DLG2: variants seen among roughly 807,000 people sequenced by gnomAD.
DLG2 encodes disks large homolog 2.
In DLG2, 45 loss-of-function variants were observed where a neutral mutation model predicts 132.5. That is an observed-to-expected ratio of 0.34 (90% CI 0.27 to 0.44). DLG2 has a LOEUF of 0.44. Among genes scored for constraint, DLG2 ranks in the 20% least tolerant of loss-of-function variants. The pLI is 1.00. For missense variants in DLG2, 1,045 were observed against 1,196.9 expected, an observed-to-expected ratio of 0.87 and a Z score of 1.87; for synonymous variants, 424 against 419.6, an observed-to-expected ratio of 1.01 and a Z score of -0.13.
At chr11:83,621,472 A>AGACC (rs1339252633) in intron 19 of DLG2, among the ~76,000 whole-genome samples, 5 of 152,174 alleles carry the variant, frequency 3.3e-5, no homozygotes, top group Non-Finnish European at 5.9e-5. Flanking sequence ...CAGAACAAGA[A>AGACC]GACCAAAGTG....
intron 3 of DLG2, among the ~76,000 whole-genome samples, chr11:85,568,669 A>C (rs1235468174): frequency 1.3e-5 from 2 of 152,162 alleles, no homozygotes; most frequent in Non-Finnish European, 2.9e-5. Flanking sequence ...AAATTTGCAC[A>C]TTTCAACTAT....
intron 21 of DLG2, among the ~76,000 whole-genome samples, chr11:83,521,009 C>CCATT (rs1287320077): frequency 5.3e-5 from 8 of 152,222 alleles, no homozygotes; most frequent in African/African-American, 1.9e-4. Context: ...GTTTGCCAGA[C>CCATT]CATTTAATGT....
Position 85,363,672 on chromosome 11 carries a change from T to C in DLG2, c.41-78307A>G, listed in dbSNP as rs147702545. ...AATGGTAAATACATTTCAAAAACTATATTTTACCTTTTAAGTACCTACTAT... is the reference window on the plus strand; with the variant it reads ...AATGGTAAATACATTTCAAAAACTACATTTTACCTTTTAAGTACCTACTAT... On this transcript the variant is annotated intron_variant, in intron 3 of 27. Transcript: ENST00000376104. Among the ~76,000 whole-genome samples the C allele has an allele frequency of 1.7e-3, 264 of 152,330 alleles. 1 individual carries two copies. Among genetic ancestry groups the C allele is most frequent in the Admixed American group, 1.3e-3 (20 of 15,298 alleles).
chr11:84,983,629 GA>G (rs2056085689), intron 6 of DLG2, among the ~76,000 whole-genome samples: 1 of 152,150 alleles, frequency 6.6e-6, no homozygotes, highest in Non-Finnish European at 1.5e-5. Context: ...AACCAGCCAT[GA>G]ATCCATACCA....
At chr11:83,713,558 T>C (rs780528265) in intron 18 of DLG2, among the ~76,000 whole-genome samples, 15 of 152,148 alleles carry the variant, frequency 9.9e-5, no homozygotes, top group Non-Finnish European at 1.6e-4. Context: ...TTGAAAGCTA[T>C]AGGGCAGAGA....
intron 6 of DLG2, among the ~76,000 whole-genome samples, chr11:84,979,677 G>A (rs758756596): frequency 5.9e-5 from 9 of 151,716 alleles, no homozygotes; most frequent in Non-Finnish European, 1.0e-4. Context: ...AGGGCGGAGG[G>A]ATAGCATTAT....
chr11:84,209,665 C>T (rs1212300628), intron 8 of DLG2, among the ~76,000 whole-genome samples: 2 of 151,220 alleles, frequency 1.3e-5, no homozygotes, highest in South Asian at 4.2e-4. Flanking sequence ...CTTGGACCAA[C>T]ACTTAGCAAG....
chr11:84,296,796 A>AT (rs1157777878), intron 7 of DLG2, among the ~76,000 whole-genome samples: 1 of 152,092 alleles, frequency 6.6e-6, no homozygotes, highest in Non-Finnish European at 1.5e-5. Flanking sequence ...AAGCTAAAAT[A>AT]TTTTTTCAGT....
chr11:84,580,663 C>T (rs1304079633), intron 6 of DLG2, among the ~76,000 whole-genome samples: 1 of 152,178 alleles, frequency 6.6e-6, no homozygotes, highest in Non-Finnish European at 1.5e-5. Flanking sequence ...CTGAAAGAAT[C>T]CCCATTGAAA....
chr11:83,810,420 T>A (rs1338295242), intron 17 of DLG2, among the ~76,000 whole-genome samples: 1 of 152,124 alleles, frequency 6.6e-6, no homozygotes, highest in East Asian at 1.9e-4. Context: ...TAATTATTGA[T>A]GAGTAGATAA....
At chr11:83,511,515 C>T (rs1286871167) in intron 21 of DLG2, among the ~76,000 whole-genome samples, 2 of 152,056 alleles carry the variant, frequency 1.3e-5, no homozygotes, top group East Asian at 3.9e-4. Context: ...GCTGTTACCT[C>T]CATCATAGGC....
chr11:84,342,710 C>T (rs2098520895), intron 7 of DLG2, among the ~76,000 whole-genome samples: 1 of 152,124 alleles, frequency 6.6e-6, no homozygotes, highest in South Asian at 2.1e-4. Context: ...TTTCAGTAAA[C>T]ACCTTTTAAA....
intron 7 of DLG2, among the ~76,000 whole-genome samples, chr11:84,511,759 A>G (rs1289158315): frequency 6.6e-6 from 1 of 152,150 alleles, no homozygotes; most frequent in African/African-American, 2.4e-5. Flanking sequence ...AGTGCTTTCA[A>G]GACTTGCTTG....
At chr11:83,830,489 T>C (rs1431836763) in intron 17 of DLG2, among the ~76,000 whole-genome samples, 4 of 152,246 alleles carry the variant, frequency 2.6e-5, no homozygotes, top group Non-Finnish European at 5.9e-5. Flanking sequence ...TCAATTTCTT[T>C]ATCCTTAATA....
intron 18 of DLG2, among the ~76,000 whole-genome samples, chr11:83,661,868 A>G (rs1358673318): frequency 6.6e-5 from 10 of 152,240 alleles, no homozygotes; most frequent in African/African-American, 2.2e-4. Context: ...AAGCATCAGG[A>G]CAGAGCGAAT....
intron 7 of DLG2, among the ~76,000 whole-genome samples, chr11:84,366,507 A>T (rs923829612): frequency 2.0e-5 from 3 of 152,154 alleles, no homozygotes; most frequent in African/African-American, 7.2e-5. Context: ...CAATTAAAAG[A>T]CACAGACTGG....
At position 85,139,188 on chromosome 11, in the gene DLG2, C is replaced by T. The variant is rs528745538; in HGVS notation, c.282+15368G>A. Among the ~76,000 whole-genome samples the T allele has an allele frequency of 7.0e-4, 106 of 152,198 alleles. 1 individual carries two copies. The highest frequency in any genetic ancestry group is 2.5e-3 in the African/African-American group (102 of 41,550). ...CCAAAATTATCTTCTCTATTCATCT[C>T]TTACTATCTCCCCTATCTGAAGTTT... is the stretch of plus-strand genomic sequence containing the variant. On this transcript the variant is annotated intron_variant, in intron 5 of 27. Transcript: ENST00000376104.
chr11:84,962,533 A>AC (rs1430572911), intron 6 of DLG2, among the ~76,000 whole-genome samples: 1 of 152,196 alleles, frequency 6.6e-6, no homozygotes, highest in African/African-American at 2.4e-5. Context: ...AGGCTTATTA[A>AC]CTGCAGGGGC....
At chr11:84,190,392 A>T (rs1282971069) in intron 8 of DLG2, among the ~76,000 whole-genome samples, 4 of 152,220 alleles carry the variant, frequency 2.6e-5, no homozygotes, top group Admixed American at 1.3e-4. Flanking sequence ...CCTCAAGGTT[A>T]CAAAGTTGGA....
Sources: gnomAD v4.1 joint callset for allele counts (sites outside exome capture counted in the v4.1 genomes callset) on GRCh38, gnomAD v4.1.1 for gene constraint, MANE v1.5 for transcripts, NCBI Gene and HGNC (gene_info 2026-07-23, HGNC 2026-07-21) for gene names.